Variants in EMC3 observed in about 807,000 individuals in gnomAD.
EMC3 encodes the protein ER membrane protein complex subunit 3, also known as 30 kDa protein.
A neutral mutation model predicts 36.6 loss-of-function variants in EMC3; 13 were observed. That is an observed-to-expected ratio of 0.35 (90% CI 0.23 to 0.56). EMC3 has a LOEUF of 0.56. Among genes scored for constraint, EMC3 ranks in the 20% least tolerant of loss-of-function variants. The pLI, the probability that EMC3 is intolerant of heterozygous loss-of-function variation, is 0.84. For synonymous variants in EMC3, 120 were observed against 111.9 expected, an observed-to-expected ratio of 1.07 and a Z score of -0.46; for missense variants, 220 against 324.5, an observed-to-expected ratio of 0.68 and a Z score of 2.47.
chr3:10,009,619 T>C (rs549332238), intron 1 of EMC3, among the ~76,000 whole-genome samples: 3 of 152,344 alleles, frequency 2.0e-5, no homozygotes, highest in South Asian at 2.1e-4. Context: ...CCCAGTTTTC[T>C]TGAAGCCGAG....
At chr3:9,964,282 G>A (rs1253078747) in intron 7 of EMC3, 85 bp from the exon 8 acceptor site, 4 of 1,551,778 alleles carry the variant, frequency 2.6e-6, no homozygotes, top group African/African-American at 2.7e-5. Context: ...ACTTACTCTG[G>A]GCCAAAAGCT....
chr3:9,975,321 G>C (rs1030766098), intron 3 of EMC3, among the ~76,000 whole-genome samples: 1 of 152,224 alleles, frequency 6.6e-6, no homozygotes, highest in African/African-American at 2.4e-5. Flanking sequence ...ATGTGTTTCC[G>C]TAAGAGAATT....
chr3:9,993,859 G>T (rs1273021703), intron 1 of EMC3, among the ~76,000 whole-genome samples: 2 of 152,210 alleles, frequency 1.3e-5, no homozygotes, highest in Non-Finnish European at 2.9e-5. Context: ...ATCCCTGGGG[G>T]GTCGTGTGAT....
At chr3:9,993,752 T>C (rs2086084752) in intron 1 of EMC3, among the ~76,000 whole-genome samples, 1 of 152,166 alleles carries the variant, frequency 6.6e-6, no homozygotes, top group African/African-American at 2.4e-5. Context: ...GTCTATATAT[T>C]GCATTATTGA....
At chr3:9,981,193 C>T (rs1317615514) in intron 1 of EMC3, among the ~76,000 whole-genome samples, 1 of 152,188 alleles carries the variant, frequency 6.6e-6, no homozygotes, top group African/African-American at 2.4e-5. Flanking sequence ...ACTGCAGCCT[C>T]AACCTCTTTA....
At chr3:9,977,492 T>G in intron 1 of EMC3, 46 bp from the exon 2 acceptor site, 1 of 1,561,934 alleles carries the variant, frequency 6.4e-7, no homozygotes, top group Non-Finnish European at 8.8e-7. Flanking sequence ...AGTGAAACAC[T>G]AGAAGAAAAT....
chr3:10,002,607 T>TA, intron 1 of EMC3: 2 of 364,832 alleles, frequency 5.5e-6, no homozygotes, highest in Non-Finnish European at 5.4e-6. Flanking sequence ...CTTAAATACA[T>TA]AAAGACCCTG....
chr3:9,967,956 T>G (rs1032628446), intron 7 of EMC3, among the ~76,000 whole-genome samples: 1 of 152,262 alleles, frequency 6.6e-6, no homozygotes, highest in African/African-American at 2.4e-5. Flanking sequence ...GAAGTCTCGC[T>G]CTGTCACCAG....
At position 9,963,929 on chromosome 3, in the gene EMC3, G is replaced by A. The variant is rs1241498873; in HGVS notation, c.*140C>T. 6.3e-6 allele frequency: 9 copies of A among 1,420,054 alleles called. No homozygotes were observed. The highest frequency in any genetic ancestry group is 8.6e-6 in the Non-Finnish European group (9 of 1,048,352). The allele number at this position is 1,420,054 out of a possible 1,614,324, so 88.0% of individuals were successfully genotyped here. On this transcript the variant is annotated 3_prime_UTR_variant, in exon 8 of 8. Coordinates refer to ENST00000245046, the MANE Select transcript of EMC3 (RefSeq NM_001394674.1). ...AGTTTCAAACATAAAGGGGAACCCA[G>A]CCCAGACAAGAACAAGCCTTGCTGC...
At chr3:10,003,269 C>T (rs763421612) in intron 1 of EMC3, 1 of 454,178 alleles carries the variant, frequency 2.2e-6, no homozygotes, top group South Asian at 1.6e-5. Flanking sequence ...GCTTTGACTT[C>T]AGCCTTGCCA....
intron 1 of EMC3, among the ~76,000 whole-genome samples, chr3:9,978,636 C>A (rs2085875931): frequency 6.6e-6 from 1 of 151,946 alleles, no homozygotes; most frequent in Non-Finnish European, 1.5e-5. Context: ...TTGAGACCAG[C>A]CTTGCCAACA....
chr3:9,998,222 T>C (rs2124933405), intron 1 of EMC3, among the ~76,000 whole-genome samples: 1 of 151,558 alleles, frequency 6.6e-6, no homozygotes, highest in African/African-American at 2.4e-5. Flanking sequence ...AAAAATTAGC[T>C]AGGCGTGGTG....
chr3:9,994,431 T>C (rs2086097882), intron 1 of EMC3: 1 of 522,188 alleles, frequency 1.9e-6, no homozygotes, highest in Non-Finnish European at 3.5e-6. Context: ...AGCTCTGAAC[T>C]GGGTCTCAGG....
chr3:10,006,892 C>A, intron 1 of EMC3: 1 of 348,066 alleles, frequency 2.9e-6, no homozygotes, highest in Non-Finnish European at 5.6e-6. Context: ...CTGGGCGAGG[C>A]GCCCAGGTTG....
chr3:9,986,666 A>C lies in EMC3; in HGVS notation c.-5T>G. On this transcript the variant is annotated 5_prime_UTR_variant, in exon 1 of 8. Transcript: ENST00000245046. Reference sequence around the variant, plus strand: ...CAACAGTTCTGGCCCTGCCATCTTCACTGAAAGCTGGTTCCCAGTCTGGAA... The same window carrying C: ...CAACAGTTCTGGCCCTGCCATCTTCCCTGAAAGCTGGTTCCCAGTCTGGAA... 6.2e-7 allele frequency: 1 copy of C among 1,613,610 alleles called. No homozygotes were observed. The highest frequency in any genetic ancestry group is 1.7e-5 in the Admixed American group (1 of 59,960).
chr3:10,008,928 T>C (rs28705177), intron 1 of EMC3: 56,270 of 157,612 alleles, frequency 0.36, 13,466 homozygotes, highest in African/African-American at 0.7. Flanking sequence ...AATGCAGCCC[T>C]GAGTCCGTCC....
chr3:9,966,644 G>A lies in EMC3; in HGVS notation c.658-2447C>T, dbSNP rs1326193335. Among the ~76,000 whole-genome samples the A allele has an allele frequency of 6.1e-5, 9 of 146,812 alleles. No homozygotes were observed. In the South Asian group the frequency reaches 1.7e-3, roughly 28 times the overall value. On this transcript the variant is annotated intron_variant, in intron 7 of 7. Transcript: ENST00000245046. Reference sequence around the variant, plus strand: ...CTCTGCATCTGCAATGGTGGATCTCGGCTCACTGCAACCTCTGCCTCCCAG... The same window carrying A: ...CTCTGCATCTGCAATGGTGGATCTCAGCTCACTGCAACCTCTGCCTCCCAG...
Position 9,986,515 on chromosome 3 carries a change from T to A in EMC3, c.147A>T (p.Val49=). 1 of 1,614,174 alleles carries A rather than the reference T, an allele frequency of 6.2e-7. No individual in the cohort carries two copies. Among genetic ancestry groups the A allele is most frequent in the Non-Finnish European group, 8.5e-7 (1 of 1,180,016 alleles). The change falls in exon 1 of 8, where the codon GTA becomes GTT. Residue 49 remains valine, a synonymous_variant. Coordinates refer to ENST00000245046, the MANE Select transcript of EMC3 (RefSeq NM_001394674.1). ...GAAGGGAGGGCGCTGACCTGTCAGATACTTGTTCCTGGGTGAGCTTCTTGT... is the reference window on the plus strand; with the variant it reads ...GAAGGGAGGGCGCTGACCTGTCAGAAACTTGTTCCTGGGTGAGCTTCTTGT... ...QSDKKLTQEQ[V]SDSQVLIRSR...
At position 9,986,689 on chromosome 3, in the gene EMC3, G is replaced by T. The variant is rs751079362; in HGVS notation, c.-28C>A. The T allele has an allele frequency of 1.2e-6, 2 of 1,612,212 alleles. No homozygotes were observed. The highest frequency in any genetic ancestry group is 1.7e-6 in the Non-Finnish European group (2 of 1,178,710). ...TCACTGAAAGCTGGTTCCCAGTCTGGAATGGGCGAGCTTCTCTTCTCCGGG... is the reference window on the plus strand; with the variant it reads ...TCACTGAAAGCTGGTTCCCAGTCTGTAATGGGCGAGCTTCTCTTCTCCGGG... On this transcript the variant is annotated 5_prime_UTR_variant, in exon 1 of 8. Coordinates refer to ENST00000245046, the MANE Select transcript of EMC3 (RefSeq NM_001394674.1).
Sources: allele counts gnomAD v4.1 joint callset (sites outside exome capture counted in the v4.1 genomes callset), GRCh38; gene constraint gnomAD v4.1.1; transcripts MANE v1.5; gene names NCBI Gene and HGNC (gene_info 2026-07-23, HGNC 2026-07-21).